The following GCLC variants were observed in gnomAD, a reference collection of about 807,000 sequenced individuals.
GCLC encodes glutamate-cysteine ligase catalytic subunit, also known as glutamate--cysteine ligase catalytic subunit.
A neutral mutation model predicts 81.5 loss-of-function variants in GCLC; 30 were observed. The ratio of observed to expected loss-of-function variants is 0.37; its 90% CI spans 0.28 to 0.50. GCLC has a LOEUF of 0.50. Among genes scored for constraint, GCLC ranks in the 20% least tolerant of loss-of-function variants. GCLC has a pLI of 0.96. For synonymous variants in GCLC, 262 were observed against 273.3 expected (o/e 0.96, Z 0.41); for missense variants, 556 against 777.4 (o/e 0.72, Z 3.39).
intron 1 of GCLC, among the ~76,000 whole-genome samples, chr6:53,525,510 G>A (rs139237302): frequency 6.6e-5 from 10 of 152,210 alleles, no homozygotes; most frequent in African/African-American, 9.6e-5. Flanking sequence ...GAATCCAAAG[G>A]ATAAGAGGAA....
chr6:53,544,432 G>A, intron 1 of GCLC, 64 bp downstream of exon 1: 3 of 1,567,208 alleles, frequency 1.9e-6, no homozygotes, highest in Non-Finnish European at 1.7e-6. Context: ...CGTAGGGCAA[G>A]ACAAAGGCAG....
intron 1 of GCLC, among the ~76,000 whole-genome samples, chr6:53,543,295 G>T (rs1191591312): frequency 6.6e-6 from 1 of 152,162 alleles, no homozygotes; most frequent in Non-Finnish European, 1.5e-5. Flanking sequence ...TAAAACTGAA[G>T]AATCATCACC....
At chr6:53,542,014 C>T (rs974519782) in intron 1 of GCLC, among the ~76,000 whole-genome samples, 2 of 152,116 alleles carry the variant, frequency 1.3e-5, no homozygotes, top group African/African-American at 4.8e-5. Context: ...GCCACAGGCA[C>T]ATGCCACTAA....
At chr6:53,515,283 C>T (rs1271809686) in intron 4 of GCLC, among the ~76,000 whole-genome samples, 1 of 152,218 alleles carries the variant, frequency 6.6e-6, no homozygotes, top group Non-Finnish European at 1.5e-5. Context: ...GTGAAGCCTG[C>T]TTTGATTCCC....
chr6:53,542,330 T>C (rs190339282), intron 1 of GCLC, among the ~76,000 whole-genome samples: 1 of 151,978 alleles, frequency 6.6e-6, no homozygotes, highest in Admixed American at 6.6e-5. Flanking sequence ...TCTTTTGGAG[T>C]GGGAAGGAGG....
At position 53,497,378 on chromosome 6, in the gene GCLC, C is replaced by CAT. The variant is rs1764389365; in HGVS notation, c.*1376_*1377dup. On this transcript the variant is annotated 3_prime_UTR_variant, in exon 16 of 16. Transcript: ENST00000650454. Reference sequence around the variant, plus strand: ...AGCTAATTCCATTCTTTTATTTCCTCATACCACAAACATTTCAATTTATCT... The same window carrying CAT: ...AGCTAATTCCATTCTTTTATTTCCTCATATACCACAAACATTTCAATTTATCT... The CAT allele has an allele frequency of 6.6e-6, 1 of 152,234 alleles. No homozygotes were observed. The highest frequency in any genetic ancestry group is 1.5e-5 in the Non-Finnish European group (1 of 68,038). 9.4% of individuals were successfully genotyped at this position (152,234 alleles called of 1,614,324 possible). A position where few individuals can be genotyped will look rare whatever the true frequency, so the allele number is the denominator to read the frequency against.
chr6:53,536,472 A>C (rs1763259138), intron 1 of GCLC, among the ~76,000 whole-genome samples: 1 of 152,244 alleles, frequency 6.6e-6, no homozygotes, highest in South Asian at 2.1e-4. Context: ...AAAGCTGTTA[A>C]AATGTTTTTT....
intron 1 of GCLC, among the ~76,000 whole-genome samples, chr6:53,542,439 A>G (rs1367552940): frequency 5.3e-5 from 8 of 152,152 alleles, no homozygotes; most frequent in African/African-American, 1.9e-4. Flanking sequence ...TTACCCAACA[A>G]CTACAAAAGT....
intron 8 of GCLC, among the ~76,000 whole-genome samples, chr6:53,508,261 C>G (rs910011006): frequency 6.6e-6 from 1 of 152,120 alleles, no homozygotes; most frequent in Non-Finnish European, 1.5e-5. Context: ...AATGCCTAAC[C>G]TTTTACATGG....
chr6:53,530,434 G>A (rs1048561713), intron 1 of GCLC, among the ~76,000 whole-genome samples: 1 of 152,174 alleles, frequency 6.6e-6, no homozygotes, highest in Admixed American at 6.5e-5. Flanking sequence ...TGAAATTCAT[G>A]CTAAAGGATG....
intron 1 of GCLC, among the ~76,000 whole-genome samples, chr6:53,533,011 C>T (rs1763198761): frequency 1.3e-5 from 2 of 152,108 alleles, no homozygotes; most frequent in South Asian, 4.1e-4. Context: ...TTCCAAGTGC[C>T]AATAAAGATA....
At chr6:53,511,600 G>A (rs1253826872) in intron 6 of GCLC, among the ~76,000 whole-genome samples, 1 of 152,096 alleles carries the variant, frequency 6.6e-6, no homozygotes, top group East Asian at 1.9e-4. Context: ...AATGCATTTA[G>A]TAATTAGCTT....
Position 53,544,659 on chromosome 6 carries a change from T to C in GCLC, c.-14A>G, listed in dbSNP as rs1322194472. 1 of 1,566,314 alleles carries C rather than the reference T, an allele frequency of 6.4e-7. No individual in the cohort carries two copies. Among genetic ancestry groups the C allele is most frequent in the Admixed American group, 1.8e-5 (1 of 56,086 alleles). The stretch of plus-strand genomic sequence containing the variant: ...CAGCAGCCCCATGGCCGCCCCCTCC[T>C]CCTCCTCCTCCTCCTCCGGGCTGAC... On this transcript the variant is annotated 5_prime_UTR_variant, in exon 1 of 16. Transcript: ENST00000650454.
chr6:53,518,184 A>T (rs1220341705), intron 3 of GCLC, among the ~76,000 whole-genome samples: 1 of 152,184 alleles, frequency 6.6e-6, no homozygotes, highest in Non-Finnish European at 1.5e-5. Context: ...GGTTTTTAGA[A>T]TAAAGCTTAT....
chr6:53,503,753 A>G (rs1470363337), intron 12 of GCLC, among the ~76,000 whole-genome samples: 1 of 152,126 alleles, frequency 6.6e-6, no homozygotes, highest in Non-Finnish European at 1.5e-5. Context: ...TGATTATTGT[A>G]TATCTTTCCT....
chr6:53,534,949 G>A (rs1253658247), intron 1 of GCLC, among the ~76,000 whole-genome samples: 2 of 152,142 alleles, frequency 1.3e-5, no homozygotes, highest in Admixed American at 1.3e-4. Context: ...TTTGTTTTAA[G>A]TAGAAATTGC....
Position 53,524,229 on chromosome 6 carries a change from T to C in GCLC, c.151-1702A>G, listed in dbSNP as rs138933328. Among the ~76,000 whole-genome samples the C allele has an allele frequency of 6.1e-3, 922 of 152,276 alleles. 7 individuals carry two copies. Among genetic ancestry groups the C allele is most frequent in the African/African-American group, 0.021 (888 of 41,550 alleles). ...CCATTTCACAGGTGGGCAAAGGGGC[T>C]CAGAGAGGTAAGCTACTCAAGGCCA... On this transcript the variant is annotated intron_variant, in intron 1 of 15. Coordinates refer to ENST00000650454, the MANE Select transcript of GCLC (RefSeq NM_001498.4).
intron 12 of GCLC, among the ~76,000 whole-genome samples, chr6:53,502,963 T>C (rs1764540979): frequency 6.6e-6 from 1 of 152,214 alleles, no homozygotes; most frequent in South Asian, 2.1e-4. Context: ...GTTTTGAAAT[T>C]ATAACTCTCT....
intron 1 of GCLC, among the ~76,000 whole-genome samples, chr6:53,529,311 A>C (rs1008400476): frequency 6.6e-6 from 1 of 152,172 alleles, no homozygotes; most frequent in African/African-American, 2.4e-5. Context: ...GGGCCTCTGA[A>C]TTTACATTGG....
Sources: gnomAD v4.1 joint callset for allele counts (sites outside exome capture counted in the v4.1 genomes callset) on GRCh38, gnomAD v4.1.1 for gene constraint, MANE v1.5 for transcripts, NCBI Gene and HGNC (gene_info 2026-07-23, HGNC 2026-07-21) for gene names.